Variants in FAM227B observed in about 807,000 individuals in gnomAD.
FAM227B encodes the protein protein FAM227B.
In FAM227B, 88 loss-of-function variants were observed where a neutral mutation model predicts 73.8. The ratio of observed to expected loss-of-function variants is 1.19; its 90% confidence interval spans 1.00 to 1.42. The LOEUF is 1.42. Ranked by LOEUF, FAM227B falls within the 40% of genes most tolerant of loss-of-function variation. The probability of loss-of-function intolerance (pLI) is 0.00; values close to 1 mark genes in which losing one functional copy is unlikely to be tolerated. For synonymous variants in FAM227B, 210 were observed against 190.5 expected, an observed-to-expected ratio of 1.10 and a Z score of -0.84; for missense variants, 632 against 590.9, an observed-to-expected ratio of 1.07 and a Z score of -0.72.
At chr15:49,368,882 G>C (rs2151464621) in intron 12 of FAM227B, among the ~76,000 whole-genome samples, 2 of 152,266 alleles carry the variant, frequency 1.3e-5, no homozygotes, top group South Asian at 4.1e-4. Flanking sequence ...AAGAGTTCAT[G>C]GTTTTTAAGA....
intron 10 of FAM227B, among the ~76,000 whole-genome samples, chr15:49,523,692 G>A (rs745723447): frequency 6.6e-6 from 1 of 152,172 alleles, no homozygotes; most frequent in Non-Finnish European, 1.5e-5. Context: ...AAGATGTGAG[G>A]AAGTTTGGAA....
chr15:49,401,047 A>G (rs2048102140), intron 11 of FAM227B, among the ~76,000 whole-genome samples: 1 of 152,366 alleles, frequency 6.6e-6, no homozygotes, highest in South Asian at 2.1e-4. Context: ...AGAAACTACC[A>G]TCAGAGTGAA....
intron 10 of FAM227B, among the ~76,000 whole-genome samples, chr15:49,540,298 T>C (rs1005877898): frequency 6.6e-6 from 1 of 152,190 alleles, no homozygotes; most frequent in Non-Finnish European, 1.5e-5. Context: ...ACCAGAGTGG[T>C]ACCTGCCTCA....
chr15:49,500,763 G>A (rs1165522585), intron 11 of FAM227B, among the ~76,000 whole-genome samples: 1 of 152,196 alleles, frequency 6.6e-6, no homozygotes, highest in Non-Finnish European at 1.5e-5. Context: ...AATGTTGGAT[G>A]TGGGGCCTGG....
chr15:49,552,003 G>A (rs528413006), intron 9 of FAM227B, among the ~76,000 whole-genome samples: 90 of 152,156 alleles, frequency 5.9e-4, no homozygotes, highest in African/African-American at 2.1e-3. Context: ...TTTCTACTTA[G>A]GATAAGAGTA....
At chr15:49,532,327 A>G (rs2060670855) in intron 10 of FAM227B, among the ~76,000 whole-genome samples, 1 of 151,788 alleles carries the variant, frequency 6.6e-6, no homozygotes, top group Non-Finnish European at 1.5e-5. Context: ...ATAAAGGTTT[A>G]CTCAGGGGAA....
At chr15:49,424,555 A>G in intron 11 of FAM227B, 2 of 1,594,634 alleles carry the variant, frequency 1.3e-6, no homozygotes, top group South Asian at 1.1e-5. Flanking sequence ...GCAAAGTAAA[A>G]GGGACCCAAG....
At chr15:49,506,112 A>G (rs1301847003) in intron 11 of FAM227B, among the ~76,000 whole-genome samples, 4 of 152,056 alleles carry the variant, frequency 2.6e-5, no homozygotes, top group Non-Finnish European at 5.9e-5. Context: ...TGGATACAGC[A>G]AAAATCAATA....
intron 10 of FAM227B, among the ~76,000 whole-genome samples, chr15:49,517,450 T>G (rs1253819417): frequency 1.3e-5 from 2 of 152,114 alleles, no homozygotes; most frequent in Non-Finnish European, 2.9e-5. Flanking sequence ...CTTTTGCCAG[T>G]GCAAAATAGT....
intron 3 of FAM227B, among the ~76,000 whole-genome samples, chr15:49,593,701 T>G (rs1434945690): frequency 6.6e-6 from 1 of 152,204 alleles, no homozygotes; most frequent in African/African-American, 2.4e-5. Context: ...TGATTTTCCA[T>G]TCTTAAGTTA....
At chr15:49,577,600 C>T in intron 6 of FAM227B, 29 bp downstream of exon 6, 1 of 1,429,550 alleles carries the variant, frequency 7.0e-7, no homozygotes. Flanking sequence ...ACTTGATATA[C>T]AATCTGGCAG....
chr15:49,382,836 G>T (rs924773654), intron 11 of FAM227B, among the ~76,000 whole-genome samples: 5 of 151,980 alleles, frequency 3.3e-5, no homozygotes, highest in African/African-American at 1.2e-4. Context: ...GCTGATAAAG[G>T]TTTTGAGAAT....
chr15:49,581,599 G>A lies in FAM227B; in HGVS notation c.406-3935C>T, dbSNP rs543187509. Among the ~76,000 whole-genome samples the A allele has an allele frequency of 8.7e-4, 132 of 152,178 alleles. 5 individuals are homozygous for A. The South Asian group carries it at 0.026, about 30-fold the overall frequency. Reference sequence around the variant, plus strand: ...TCCCAAAGTGCTGGATTACAGGCGTGAGCCACCGTACCCAGATGTATTCAG... The same window carrying A: ...TCCCAAAGTGCTGGATTACAGGCGTAAGCCACCGTACCCAGATGTATTCAG... On this transcript the variant is annotated intron_variant, in intron 5 of 15. Transcript: ENST00000299338.
At chr15:49,611,870 CT>C (rs982427031) in intron 2 of FAM227B, among the ~76,000 whole-genome samples, 1 of 152,100 alleles carries the variant, frequency 6.6e-6, no homozygotes. Flanking sequence ...CCCAAACCCT[CT>C]TTCAATCCTT....
intron 13 of FAM227B, among the ~76,000 whole-genome samples, chr15:49,341,946 C>T (rs896742356): frequency 1.4e-4 from 21 of 152,158 alleles, no homozygotes; most frequent in African/African-American, 5.1e-4. Flanking sequence ...TGCTTTATGG[C>T]CGAGCATGTG....
chr15:49,453,593 C>T (rs751576668), intron 11 of FAM227B, among the ~76,000 whole-genome samples: 6 of 152,256 alleles, frequency 3.9e-5, no homozygotes, highest in East Asian at 1.9e-4. Context: ...CCGTCAGGGA[C>T]CATGTGTTAC....
At chr15:49,534,705 CAA>C (rs966486939) in intron 10 of FAM227B, among the ~76,000 whole-genome samples, 244 of 151,086 alleles carry the variant, frequency 1.6e-3, no homozygotes, top group African/African-American at 5.5e-3. Context: ...TGTTAGGCCA[CAA>C]AAAAAATTTT....
chr15:49,466,968 G>A (rs2054318852), intron 11 of FAM227B, among the ~76,000 whole-genome samples: 1 of 152,130 alleles, frequency 6.6e-6, no homozygotes, highest in African/African-American at 2.4e-5. Context: ...TGACCAAAAT[G>A]ACTTTAAATC....
intron 9 of FAM227B, among the ~76,000 whole-genome samples, chr15:49,555,916 G>C (rs966844101): frequency 5.9e-5 from 9 of 152,036 alleles, no homozygotes; most frequent in African/African-American, 1.7e-4. Context: ...TTTAAAAATG[G>C]CCATTTTGTC....
Sources: allele counts gnomAD v4.1 joint callset (sites outside exome capture counted in the v4.1 genomes callset), GRCh38; gene constraint gnomAD v4.1.1; transcripts MANE v1.5; gene names NCBI Gene and HGNC (gene_info 2026-07-23, HGNC 2026-07-21).